Variants in IL31RA observed in about 807,000 individuals in gnomAD.
The protein encoded by IL31RA is interleukin-31 receptor subunit alpha.
IL31RA carries 66 observed loss-of-function variants against 83.7 expected under a neutral mutation model. The ratio of observed to expected loss-of-function variants is 0.79; its 90% CI spans 0.65 to 0.97. The LOEUF is 0.97. IL31RA is among the 50% of genes least tolerant of loss of function. The pLI, the probability that IL31RA is intolerant of heterozygous loss-of-function variation, is 0.00. For missense variants in IL31RA, 798 were observed against 919.4 expected (o/e 0.87, Z 1.71); for synonymous variants, 325 against 329.0 (o/e 0.99, Z 0.13).
intron 8 of IL31RA, among the ~76,000 whole-genome samples, chr5:55,901,334 G>A (rs181639676): frequency 6.6e-6 from 1 of 152,182 alleles, no homozygotes; most frequent in Admixed American, 6.5e-5. Flanking sequence ...TTCCCAGTGT[G>A]GCCCCAGGAT....
At chr5:55,908,227 G>A (rs376234982) in intron 10 of IL31RA, 38 bp from the exon 11 acceptor site, 21 of 1,612,780 alleles carry the variant, frequency 1.3e-5, no homozygotes, top group Admixed American at 3.3e-5. Context: ...CCTGGAGTGC[G>A]GTTCAGTGAT....
intron 6 of IL31RA, among the ~76,000 whole-genome samples, chr5:55,891,978 T>C (rs1367845954): frequency 3.3e-5 from 5 of 151,910 alleles, no homozygotes; most frequent in Admixed American, 2.0e-4. Flanking sequence ...AGTTTCACCG[T>C]GTTAGCCAGG....
upstream of IL31RA, among the ~76,000 whole-genome samples, chr5:55,847,404 A>C (rs905221889): frequency 6.6e-6 from 1 of 152,030 alleles, no homozygotes; most frequent in African/African-American, 2.4e-5. Context: ...CACCATGGTG[A>C]AACCCTGTCT....
intron 5 of IL31RA, among the ~76,000 whole-genome samples, chr5:55,888,903 G>A (rs897910654): frequency 6.6e-6 from 1 of 152,100 alleles, no homozygotes; most frequent in African/African-American, 2.4e-5. Context: ...TCCTCCTTCT[G>A]CCCAATTTCC....
intron 7 of IL31RA, 27 bp downstream of exon 7, chr5:55,896,456 C>G: frequency 6.7e-7 from 1 of 1,490,844 alleles, no homozygotes; most frequent in Non-Finnish European, 9.4e-7. Flanking sequence ...TTCTTTTTCT[C>G]TCTCTTTCTT....
chr5:55,872,255 CT>C lies in IL31RA; in HGVS notation c.273-10del, dbSNP rs750896503. On this transcript the variant is annotated splice_polypyrimidine_tract_variant and intron_variant, in intron 3 of 14. Coordinates refer to ENST00000652347, the MANE Select transcript of IL31RA (RefSeq NM_139017.7). ...ATTGTACTAAACTCATGTTGAATCA[CT>C]TTTTCTTTCAAAGCGCTTTTGGAGA... The C allele has an allele frequency of 3.3e-5, 53 of 1,596,410 alleles. No homozygotes were observed. The Admixed American group carries it at 5.5e-4, about 17-fold the overall frequency.
upstream of IL31RA, among the ~76,000 whole-genome samples, chr5:55,849,243 A>G (rs1323708923): frequency 6.6e-6 from 1 of 150,796 alleles, no homozygotes; most frequent in African/African-American, 2.4e-5. Flanking sequence ...GTTTATTTCC[A>G]TATCTATAAA....
chr5:55,851,695 G>A, intron 1 of IL31RA, 62 bp downstream of exon 1: 1 of 1,613,538 alleles, frequency 6.2e-7, no homozygotes, highest in Non-Finnish European at 8.5e-7. Context: ...CACAAATAAG[G>A]AAGCTGTGAG....
Position 55,891,761 on chromosome 5 carries a change from A to ATTTTTTTTTTTTTTTTT in IL31RA, c.772+1642_772+1658dup, listed in dbSNP as rs35672011. On this transcript the variant is annotated intron_variant, in intron 6 of 14. Transcript: ENST00000652347. ...TACAGGTTCCAGGGATTTGGACAAG[A>ATTTTTTTTTTTTTTTTT]TTTTTTTTTTTTTTTTTTTTTTTTT... is the stretch of plus-strand genomic sequence containing the variant. 2.3e-4 allele frequency among the ~76,000 whole-genome samples: 14 copies of ATTTTTTTTTTTTTTTTT among 60,030 alleles called. 2 individuals are homozygous for ATTTTTTTTTTTTTTTTT. Among genetic ancestry groups the ATTTTTTTTTTTTTTTTT allele is most frequent in the Non-Finnish European group, 2.9e-4 (10 of 34,712 alleles). 39.4% of individuals were successfully genotyped at this position (60,030 alleles called of 152,430 possible).
chr5:55,897,374 G>T (rs1054747761), intron 7 of IL31RA, among the ~76,000 whole-genome samples: 1 of 151,798 alleles, frequency 6.6e-6, no homozygotes, highest in African/African-American at 2.4e-5. Flanking sequence ...ATTAACATTC[G>T]GGGTGGGTAG....
rs778879700 is a variant in IL31RA at position 55,908,397 on chromosome 5, G to A, written c.1487G>A (p.Gly496Asp). 4.3e-6 allele frequency: 7 copies of A among 1,614,174 alleles called. No homozygotes were observed. Among genetic ancestry groups the A allele is most frequent in the Admixed American group, 1.7e-5 (1 of 60,026 alleles). Reference protein sequence around the residue: ...CNYTIFYQAEGGKGFSKTVNS... With the variant: ...CNYTIFYQAEDGKGFSKTVNS... Reference sequence around the variant, plus strand: ...TACACCATCTTTTACCAAGCTGAAGGTGGAAAAGGATTCTGTAAGCACGCC... The same window carrying A: ...TACACCATCTTTTACCAAGCTGAAGATGGAAAAGGATTCTGTAAGCACGCC... Residue 496 changes from glycine (G) to aspartate (D), a missense_variant, in exon 11 of 15, where the codon GGT (glycine) becomes GAT (aspartate). Coordinates refer to ENST00000652347, the MANE Select transcript of IL31RA (RefSeq NM_139017.7).
intron 4 of IL31RA, among the ~76,000 whole-genome samples, chr5:55,872,914 TAA>T (rs1456616697): frequency 1.3e-5 from 2 of 152,330 alleles, no homozygotes; most frequent in Non-Finnish European, 2.9e-5. Flanking sequence ...TATTGAGATA[TAA>T]TTCACATTAT....
chr5:55,887,608 C>G (rs557373806), intron 5 of IL31RA, among the ~76,000 whole-genome samples: 1 of 151,190 alleles, frequency 6.6e-6, no homozygotes, highest in Non-Finnish European at 1.5e-5. Context: ...CGGGAATGGC[C>G]GGGCACGGTG....
intron 4 of IL31RA, among the ~76,000 whole-genome samples, chr5:55,876,441 G>A (rs1004697741): frequency 8.5e-5 from 13 of 152,128 alleles, no homozygotes; most frequent in African/African-American, 2.7e-4. Flanking sequence ...ATTGAGATAC[G>A]TCCTTCCTAC....
chr5:55,908,566 G>A lies in IL31RA; in HGVS notation c.1501+155G>A, dbSNP rs1201707108. 1.9e-6 allele frequency: 3 copies of A among 1,560,572 alleles called. No individual in the cohort carries two copies. The Admixed American group carries it at 5.8e-5, about 30-fold the overall frequency. ...TAAATCTCTCTGAAAATGGGGCCAA[G>A]AGCACCCACCTTTTGGGGTTTTGGG... On this transcript the variant is annotated intron_variant, in intron 11 of 14. Coordinates refer to ENST00000652347, the MANE Select transcript of IL31RA (RefSeq NM_139017.7).
At position 55,917,281 on chromosome 5, in the gene IL31RA, G is replaced by A. The variant is rs1749846542; in HGVS notation, c.*161G>A. On this transcript the variant is annotated 3_prime_UTR_variant, in exon 15 of 15. Transcript: ENST00000652347. ...CTGCCAGTTGAACTTGGTCGGCAAA[G>A]ATGCGACCTTGTACTGGGAAGAAGG... 1.3e-6 allele frequency: 2 copies of A among 1,546,756 alleles called. No individual in the cohort carries two copies. The highest frequency in any genetic ancestry group is 4.7e-5 in the East Asian group (2 of 42,996).
chr5:55,859,299 G>A (rs1022165441), intron 1 of IL31RA, among the ~76,000 whole-genome samples: 3 of 152,192 alleles, frequency 2.0e-5, no homozygotes, highest in Non-Finnish European at 4.4e-5. Flanking sequence ...GACGATGGAC[G>A]AAAGGAAAAC....
At chr5:55,912,164 G>C (rs1749535713) in intron 12 of IL31RA, among the ~76,000 whole-genome samples, 1 of 152,136 alleles carries the variant, frequency 6.6e-6, no homozygotes, top group Non-Finnish European at 1.5e-5. Context: ...AAATCACCCT[G>C]CTTCCATTTT....
chr5:55,917,386 C>T lies in IL31RA; in HGVS notation c.*266C>T, dbSNP rs1749854569. 1 of 1,254,290 alleles carries T rather than the reference C, an allele frequency of 8.0e-7. No homozygotes were observed. The highest frequency in any genetic ancestry group is 1.5e-5 in the African/African-American group (1 of 65,906). The allele number at this position is 1,254,290 out of a possible 1,614,324, so 77.7% of individuals were successfully genotyped here. On this transcript the variant is annotated 3_prime_UTR_variant, in exon 15 of 15. Transcript: ENST00000652347. ...AGATACCAAGCTCTCACCGAGGCCT[C>T]CTGACAGATTGACTTTGAAGGAAGG...
Sources: gnomAD v4.1 joint callset for allele counts (sites outside exome capture counted in the v4.1 genomes callset) on GRCh38, gnomAD v4.1.1 for gene constraint, MANE v1.5 for transcripts, NCBI Gene and HGNC (gene_info 2026-07-23, HGNC 2026-07-21) for gene names.